C13orf42: variants seen among roughly 807,000 people sequenced by gnomAD.
C13orf42 encodes uncharacterized protein C13orf42.
At chr13:51,166,910 C>A (rs1008014563) in intron 1 of C13orf42, among the ~76,000 whole-genome samples, 4 of 152,054 alleles carry the variant, frequency 2.6e-5, no homozygotes, top group Non-Finnish European at 5.9e-5. Context: ...GAAACCCTGT[C>A]TCTACTAAAA....
intron 1 of C13orf42, among the ~76,000 whole-genome samples, chr13:51,118,480 G>A (rs1018079148): frequency 1.3e-5 from 2 of 152,204 alleles, no homozygotes; most frequent in Non-Finnish European, 2.9e-5. Context: ...GGGCCACCAG[G>A]CATTTGCTGT....
At chr13:51,137,499 C>T (rs1018853100) in intron 1 of C13orf42, among the ~76,000 whole-genome samples, 3 of 152,098 alleles carry the variant, frequency 2.0e-5, no homozygotes, top group African/African-American at 4.8e-5. Flanking sequence ...TCTATATATC[C>T]CACTCTGTCC....
At chr13:51,148,534 G>C (rs190768173) in intron 1 of C13orf42, among the ~76,000 whole-genome samples, 23 of 152,372 alleles carry the variant, frequency 1.5e-4, no homozygotes, top group Middle Eastern at 3.4e-3. Flanking sequence ...GCCCCCTGCA[G>C]AGCCAGGAGG....
At chr13:51,154,691 G>T (rs1293740439) in intron 1 of C13orf42, among the ~76,000 whole-genome samples, 12 of 152,192 alleles carry the variant, frequency 7.9e-5, no homozygotes, top group Admixed American at 7.9e-4. Context: ...ATTTATCAAT[G>T]CATGCATTAT....
chr13:51,133,514 TTTCTC>T (rs981815568), intron 1 of C13orf42, among the ~76,000 whole-genome samples: 1 of 152,214 alleles, frequency 6.6e-6, no homozygotes, highest in Non-Finnish European at 1.5e-5. Context: ...TATAAAAAAT[TTTCTC>T]TACTGAACAT....
At chr13:51,158,683 C>A (rs1236736856) in intron 1 of C13orf42, among the ~76,000 whole-genome samples, 1 of 152,216 alleles carries the variant, frequency 6.6e-6, no homozygotes, top group Non-Finnish European at 1.5e-5. Context: ...ACTGAACACA[C>A]AAGTCAACCG....
intron 1 of C13orf42, among the ~76,000 whole-genome samples, chr13:51,144,519 G>GAATTGGAAACTACTTGTGAGTATTCT (rs1445423067): frequency 2.6e-4 from 31 of 117,802 alleles, no homozygotes; most frequent in South Asian, 8.1e-4. Flanking sequence ...GTTTTCATTT[G>GAATTGGAAACTACTTGTGAGTATTCT]TAACAGGACC....
At chr13:51,157,171 C>T (rs1004130573) in intron 1 of C13orf42, among the ~76,000 whole-genome samples, 3 of 152,162 alleles carry the variant, frequency 2.0e-5, no homozygotes, top group Non-Finnish European at 2.9e-5. Flanking sequence ...CGGTGGCTGC[C>T]GCCTGTAATC....
At chr13:51,148,389 A>G (rs1009728892) in intron 1 of C13orf42, among the ~76,000 whole-genome samples, 1 of 152,242 alleles carries the variant, frequency 6.6e-6, no homozygotes, top group Admixed American at 6.5e-5. Flanking sequence ...AGCGACGCAC[A>G]GGAAAACATC....
chr13:51,152,512 C>T (rs893908357), intron 1 of C13orf42, among the ~76,000 whole-genome samples: 1 of 152,118 alleles, frequency 6.6e-6, no homozygotes, highest in Non-Finnish European at 1.5e-5. Context: ...CCATACCTGG[C>T]TAATGTTTAA....
At chr13:51,109,478 C>A (rs557811675) in intron 1 of C13orf42, among the ~76,000 whole-genome samples, 30 of 152,158 alleles carry the variant, frequency 2.0e-4, no homozygotes, top group African/African-American at 7.2e-4. Flanking sequence ...CTGAGTTTGG[C>A]GACTCATACC....
chr13:51,131,273 T>C (rs185612757), intron 1 of C13orf42, among the ~76,000 whole-genome samples: 62 of 152,342 alleles, frequency 4.1e-4, no homozygotes, highest in African/African-American at 1.4e-3. Flanking sequence ...TAAGGCAACA[T>C]AGTGCAATAA....
intron 1 of C13orf42, among the ~76,000 whole-genome samples, chr13:51,107,879 G>A (rs769979956): frequency 2.0e-5 from 3 of 152,174 alleles, no homozygotes; most frequent in South Asian, 4.1e-4. Context: ...GACCAATGCC[G>A]GAGAAGAGAA....
At chr13:51,149,599 C>T (rs970300192) in intron 1 of C13orf42, among the ~76,000 whole-genome samples, 3 of 152,210 alleles carry the variant, frequency 2.0e-5, no homozygotes, top group South Asian at 2.1e-4. Flanking sequence ...TCAATGGTAG[C>T]CTGGTTCTCA....
intron 1 of C13orf42, among the ~76,000 whole-genome samples, chr13:51,154,684 T>C (rs531866729): frequency 6.6e-6 from 1 of 152,364 alleles, no homozygotes; most frequent in Non-Finnish European, 1.5e-5. Flanking sequence ...GGTTTTCATT[T>C]ATCAATGCAT....
chr13:51,126,624 G>T (rs567355152), intron 1 of C13orf42, among the ~76,000 whole-genome samples: 25 of 152,314 alleles, frequency 1.6e-4, no homozygotes, highest in Non-Finnish European at 3.1e-4. Flanking sequence ...CAAAAAGGAA[G>T]CCCCTCACCA....
chr13:51,132,897 C>T (rs1270548366), intron 1 of C13orf42, among the ~76,000 whole-genome samples: 1 of 152,100 alleles, frequency 6.6e-6, no homozygotes, highest in East Asian at 1.9e-4. Flanking sequence ...AGGCTAAAAC[C>T]CAAACCAAAA....
chr13:51,144,407 A>G (rs984163367), intron 1 of C13orf42, among the ~76,000 whole-genome samples: 3 of 118,186 alleles, frequency 2.5e-5, no homozygotes, highest in Non-Finnish European at 5.7e-5. Flanking sequence ...AATTTAGAGC[A>G]TATTTGTTTC....
chr13:51,149,743 C>A (rs1246775077), intron 1 of C13orf42, among the ~76,000 whole-genome samples: 1 of 152,182 alleles, frequency 6.6e-6, no homozygotes, highest in African/African-American at 2.4e-5. Context: ...ACAGTTATAT[C>A]TTTGAAGTCA....
Sources: gnomAD v4.1 joint callset for allele counts (sites outside exome capture counted in the v4.1 genomes callset) on GRCh38, gnomAD v4.1.1 for gene constraint, MANE v1.5 for transcripts, NCBI Gene and HGNC (gene_info 2026-07-23, HGNC 2026-07-21) for gene names.